KCNIP4: variants seen among roughly 807,000 people sequenced by gnomAD.
The protein encoded by KCNIP4 is Kv channel-interacting protein 4.
A neutral mutation model predicts 34.0 loss-of-function variants in KCNIP4; 12 were observed. The observed-to-expected ratio is 0.35, with a 90% CI of 0.23 to 0.57. KCNIP4 has a LOEUF of 0.57. Among genes scored for constraint, KCNIP4 ranks in the 20% least tolerant of loss-of-function variants. The pLI is 0.83. For synonymous variants in KCNIP4, 124 were observed against 102.2 expected (o/e 1.21, Z -1.29); for missense variants, 238 against 311.7 (o/e 0.76, Z 1.78).
At chr4:21,365,192 G>A (rs1306689408) in intron 1 of KCNIP4, among the ~76,000 whole-genome samples, 2 of 151,972 alleles carry the variant, frequency 1.3e-5, no homozygotes, top group Non-Finnish European at 2.9e-5. Context: ...AGATTATATT[G>A]AAATCATCAA....
At chr4:20,760,161 T>C (rs1754833064) in intron 3 of KCNIP4, among the ~76,000 whole-genome samples, 1 of 152,174 alleles carries the variant, frequency 6.6e-6, no homozygotes. Context: ...AAGTTCTGTT[T>C]AGTCTCTTTT....
intron 1 of KCNIP4, among the ~76,000 whole-genome samples, chr4:21,556,920 C>CAAAAAAAAAACAAAAACAAAAA (rs1281543089): frequency 5.6e-5 from 2 of 35,662 alleles, no homozygotes; most frequent in African/African-American, 2.1e-4. Context: ...GACTCCATCT[C>CAAAAAAAAAACAAAAACAAAAA]AGAAAAAAAA....
At chr4:21,606,402 G>A (rs1454760472) in intron 1 of KCNIP4, among the ~76,000 whole-genome samples, 1 of 152,056 alleles carries the variant, frequency 6.6e-6, no homozygotes, top group Non-Finnish European at 1.5e-5. Flanking sequence ...CTTTTCTATT[G>A]CTGCTGTACC....
At chr4:21,242,608 A>C (rs1759916545) in intron 1 of KCNIP4, among the ~76,000 whole-genome samples, 1 of 152,180 alleles carries the variant, frequency 6.6e-6, no homozygotes, top group African/African-American at 2.4e-5. Context: ...TCTGAATAGA[A>C]CAAAAAGGTA....
chr4:21,515,587 C>T (rs368532242), intron 1 of KCNIP4, among the ~76,000 whole-genome samples: 30 of 152,006 alleles, frequency 2.0e-4, no homozygotes, highest in East Asian at 5.8e-4. Flanking sequence ...TGCAGTGAGC[C>T]GAGATTGTGT....
intron 1 of KCNIP4, among the ~76,000 whole-genome samples, chr4:21,493,723 T>C (rs1185546132): frequency 1.3e-5 from 2 of 152,156 alleles, no homozygotes; most frequent in African/African-American, 4.8e-5. Flanking sequence ...CTTTCCAATC[T>C]ACAGAGGGCA....
chr4:21,378,364 C>G (rs1721170976), intron 1 of KCNIP4, among the ~76,000 whole-genome samples: 1 of 152,008 alleles, frequency 6.6e-6, no homozygotes. Flanking sequence ...AAAAATGCGC[C>G]AATAGATTCA....
At chr4:21,296,850 G>C (rs1052053338) in intron 1 of KCNIP4, among the ~76,000 whole-genome samples, 6 of 151,900 alleles carry the variant, frequency 3.9e-5, no homozygotes, top group African/African-American at 1.5e-4. Context: ...AAACAGAGAG[G>C]TAAGGGCAGA....
At chr4:21,057,707 A>T (rs1263306544) in intron 1 of KCNIP4, among the ~76,000 whole-genome samples, 1 of 152,222 alleles carries the variant, frequency 6.6e-6, no homozygotes, top group African/African-American at 2.4e-5. Context: ...GGTGAGAATT[A>T]TGTGTCTTAT....
intron 1 of KCNIP4, among the ~76,000 whole-genome samples, chr4:21,769,600 T>C (rs1718643749): frequency 6.6e-6 from 1 of 152,126 alleles, no homozygotes; most frequent in Non-Finnish European, 1.5e-5. Flanking sequence ...AGATTTTATC[T>C]AGATATTTTT....
At chr4:21,111,226 T>C (rs1428964640) in intron 1 of KCNIP4, among the ~76,000 whole-genome samples, 1 of 152,102 alleles carries the variant, frequency 6.6e-6, no homozygotes, top group East Asian at 1.9e-4. Flanking sequence ...AGAGAGAACA[T>C]AGGAGAAAGA....
intron 1 of KCNIP4, among the ~76,000 whole-genome samples, chr4:21,167,593 G>A (rs898115588): frequency 3.9e-5 from 6 of 152,066 alleles, no homozygotes; most frequent in Admixed American, 6.6e-5. Context: ...ATGCTTATTC[G>A]CTGATAACAT....
chr4:20,941,259 A>G (rs1577403121), intron 1 of KCNIP4, among the ~76,000 whole-genome samples: 1 of 152,364 alleles, frequency 6.6e-6, no homozygotes, highest in East Asian at 1.9e-4. Context: ...TAAGGCAAGA[A>G]TGACATGAAA....
intron 3 of KCNIP4, among the ~76,000 whole-genome samples, chr4:20,839,777 A>G (rs1719503511): frequency 6.6e-6 from 1 of 152,056 alleles, no homozygotes; most frequent in Non-Finnish European, 1.5e-5. Context: ...ATGAGATGTT[A>G]TTCTTCAATT....
At chr4:21,750,073 A>C (rs1487571638) in intron 1 of KCNIP4, among the ~76,000 whole-genome samples, 1 of 152,114 alleles carries the variant, frequency 6.6e-6, no homozygotes, top group Non-Finnish European at 1.5e-5. Flanking sequence ...GAATGATGAA[A>C]TCTTGTGCCC....
chr4:20,780,729 G>C (rs890057303), intron 3 of KCNIP4, among the ~76,000 whole-genome samples: 2 of 152,164 alleles, frequency 1.3e-5, no homozygotes, highest in East Asian at 3.9e-4. Flanking sequence ...CCTTGCTGGA[G>C]TTATTAGCAC....
intron 1 of KCNIP4, among the ~76,000 whole-genome samples, chr4:21,238,165 G>GAA (rs1239242475): frequency 6.6e-6 from 1 of 152,164 alleles, no homozygotes; most frequent in Non-Finnish European, 1.5e-5. Context: ...AAAGGCCTTT[G>GAA]ATAAAATTCA....
intron 1 of KCNIP4, among the ~76,000 whole-genome samples, chr4:21,389,587 T>A (rs1722354096): frequency 6.6e-6 from 1 of 151,436 alleles, no homozygotes; most frequent in East Asian, 2.0e-4. Flanking sequence ...TTGCTGAGAA[T>A]GATGGTTTCC....
chr4:20,932,407 G>A (rs1443110736), intron 1 of KCNIP4, among the ~76,000 whole-genome samples: 1 of 121,206 alleles, frequency 8.3e-6, no homozygotes, highest in African/African-American at 3.3e-5. Context: ...GACTATAATA[G>A]TCTATAACAG....
Sources: gnomAD v4.1 joint callset for allele counts (sites outside exome capture counted in the v4.1 genomes callset) on GRCh38, gnomAD v4.1.1 for gene constraint, MANE v1.5 for transcripts, NCBI Gene and HGNC (gene_info 2026-07-23, HGNC 2026-07-21) for gene names.